The following AMD1 variants were observed in gnomAD, a reference collection of about 807,000 sequenced individuals.
The protein encoded by AMD1 is adenosylmethionine decarboxylase 1.
AMD1 carries 11 observed loss-of-function variants against 40.2 expected under a neutral mutation model. That is an observed-to-expected ratio of 0.27 (90% CI 0.17 to 0.45). The LOEUF (loss-of-function observed/expected upper bound fraction) is 0.45. AMD1 is among the 20% of genes least tolerant of loss of function. The pLI is 1.00. For synonymous variants in AMD1, 121 were observed against 130.8 expected (o/e 0.93, Z 0.51); for missense variants, 257 against 410.2 (o/e 0.63, Z 3.23).
chr6:110,852,911 A>T, the AMD1 span, among the ~76,000 whole-genome samples: 2 of 151,796 alleles, frequency 1.3e-5, no homozygotes, highest in Non-Finnish European at 2.9e-5. Context: ...TAACATGAAA[A>T]CTTTAGAGAT....
At chr6:110,879,817 C>G (rs534944660) in intron 1 of AMD1, among the ~76,000 whole-genome samples, 1 of 152,268 alleles carries the variant, frequency 6.6e-6, no homozygotes, top group African/African-American at 2.4e-5. Flanking sequence ...ATCTAATGAC[C>G]TGGAAGCTTT....
At chr6:110,843,837 C>T in the AMD1 span, among the ~76,000 whole-genome samples, 4 of 152,132 alleles carry the variant, frequency 2.6e-5, no homozygotes, top group African/African-American at 9.7e-5. Flanking sequence ...ATCTGCCTGC[C>T]TAGGCCTCCC....
chr6:110,892,682 A>G (rs920156177), intron 6 of AMD1, 53 bp from the exon 7 acceptor site: 122 of 1,591,788 alleles, frequency 7.7e-5, no homozygotes, highest in Admixed American at 1.2e-4. Flanking sequence ...TTTGGACTCA[A>G]TTGAAGTTTA....
At chr6:110,835,406 G>C in the AMD1 span, among the ~76,000 whole-genome samples, 1 of 152,166 alleles carries the variant, frequency 6.6e-6, no homozygotes, top group Non-Finnish European at 1.5e-5. Context: ...TGAAACTATA[G>C]TAATGAAGTT....
chr6:110,845,784 G>A, the AMD1 span, among the ~76,000 whole-genome samples: 1 of 152,154 alleles, frequency 6.6e-6, no homozygotes, highest in South Asian at 2.1e-4. Context: ...AGCCTACTGT[G>A]GGACTTCGCC....
At chr6:110,889,989 C>G in intron 3 of AMD1, 2 of 344,704 alleles carry the variant, frequency 5.8e-6, no homozygotes, top group Non-Finnish European at 1.1e-5. Flanking sequence ...GACCCATCAT[C>G]ACTAGACTGG....
At chr6:110,887,781 G>A (rs7450134) in intron 2 of AMD1, among the ~76,000 whole-genome samples, 190 bp downstream of exon 2, 3,776 of 152,172 alleles carry the variant, frequency 0.025, 74 homozygotes, top group Non-Finnish European at 0.039. Flanking sequence ...CGCCTCCTTG[G>A]TTCAAGCAAT....
upstream of AMD1, among the ~76,000 whole-genome samples, chr6:110,872,478 T>C (rs1453657990): frequency 6.6e-6 from 1 of 152,090 alleles, no homozygotes; most frequent in African/African-American, 2.4e-5. Context: ...AAACTGGAAA[T>C]CTGGGGGAAA....
At chr6:110,836,460 T>C in the AMD1 span, among the ~76,000 whole-genome samples, 1 of 152,178 alleles carries the variant, frequency 6.6e-6, no homozygotes, top group African/African-American at 2.4e-5. Flanking sequence ...TACACAACAG[T>C]ATATAGATAA....
upstream of AMD1, among the ~76,000 whole-genome samples, chr6:110,872,054 A>G (rs1416891277): frequency 6.6e-6 from 1 of 152,204 alleles, no homozygotes. Context: ...CCATTGAAAG[A>G]TTGAGTAAAT....
the AMD1 span, among the ~76,000 whole-genome samples, chr6:110,837,241 G>A: frequency 6.7e-6 from 1 of 148,778 alleles, no homozygotes; most frequent in Admixed American, 6.8e-5. Context: ...GGTCTAGGCG[G>A]GAGGATGACT....
the AMD1 span, chr6:110,859,089 C>A: frequency 7.6e-7 from 1 of 1,308,162 alleles, no homozygotes; most frequent in Non-Finnish European, 1.1e-6. Context: ...CTCGGGCGCG[C>A]AGGCTCGGGG....
At chr6:110,891,696 T>G in intron 4 of AMD1, 1 of 172,724 alleles carries the variant, frequency 5.8e-6, no homozygotes, top group South Asian at 1.3e-4. Flanking sequence ...AGTCAGTCGA[T>G]CCTGCTTATC....
intron 1 of AMD1, among the ~76,000 whole-genome samples, chr6:110,881,161 TATATTTA>T (rs1363609755): frequency 6.6e-6 from 1 of 152,260 alleles, no homozygotes; most frequent in Non-Finnish European, 1.5e-5. Flanking sequence ...GATCTCTGAT[TATATTTA>T]ATATTTTAGT....
At chr6:110,826,110 G>A in the AMD1 span, among the ~76,000 whole-genome samples, 2 of 149,942 alleles carry the variant, frequency 1.3e-5, no homozygotes, top group African/African-American at 4.9e-5. Context: ...GAGGCTGCAG[G>A]GAGCTATGAT....
At chr6:110,851,305 T>C in the AMD1 span, among the ~76,000 whole-genome samples, 1 of 152,178 alleles carries the variant, frequency 6.6e-6, no homozygotes, top group African/African-American at 2.4e-5. Context: ...TCTCATTGTG[T>C]TGCCCAGGCA....
chr6:110,874,551 CA>C (rs1290446495), upstream of AMD1, among the ~76,000 whole-genome samples: 1 of 152,208 alleles, frequency 6.6e-6, no homozygotes, highest in Non-Finnish European at 1.5e-5. Context: ...TTCTAGTCCC[CA>C]GCTGGACATC....
intron 8 of AMD1, 58 bp from the exon 9 acceptor site, chr6:110,893,418 G>A: frequency 6.3e-7 from 1 of 1,593,438 alleles, no homozygotes; most frequent in African/African-American, 1.4e-5. Context: ...TAACTGTTTT[G>A]GTTGAAAATA....
At chr6:110,835,250 C>T in the AMD1 span, among the ~76,000 whole-genome samples, 6 of 151,284 alleles carry the variant, frequency 4.0e-5, no homozygotes, top group South Asian at 4.2e-4. Context: ...AATCTCCTGA[C>T]CTCGTGATCC....
Sources: gnomAD v4.1 joint callset for allele counts (sites outside exome capture counted in the v4.1 genomes callset) on GRCh38, gnomAD v4.1.1 for gene constraint, MANE v1.5 for transcripts, NCBI Gene and HGNC (gene_info 2026-07-23, HGNC 2026-07-21) for gene names.